Variants in PRR16 observed in about 807,000 individuals in gnomAD.
PRR16 encodes protein Largen.
A neutral mutation model predicts 18.2 loss-of-function variants in PRR16; 6 were observed. That is an observed-to-expected ratio of 0.33 (90% confidence interval 0.18 to 0.65). The LOEUF (loss-of-function observed/expected upper bound fraction) is 0.65, where lower values mean the gene tolerates loss of function less well. Among genes scored for constraint, PRR16 ranks in the 30% least tolerant of loss-of-function variants. The pLI is 0.74. For synonymous variants in PRR16, 151 were observed against 147.8 expected (o/e 1.02, Z -0.16); for missense variants, 412 against 376.6 (o/e 1.09, Z -0.78).
intron 1 of PRR16, among the ~76,000 whole-genome samples, chr5:120,583,817 T>C (rs963238444): frequency 6.6e-6 from 1 of 152,192 alleles, no homozygotes; most frequent in African/African-American, 2.4e-5. Context: ...CTCAGACCAC[T>C]GGCACCGTAT....
At chr5:120,786,419 GAC>G in the PRR16 span, among the ~76,000 whole-genome samples, 1 of 151,400 alleles carries the variant, frequency 6.6e-6, no homozygotes. Context: ...GGAGAAATAA[GAC>G]AGATTTTTTT....
At chr5:120,516,590 A>G (rs770165715) in intron 1 of PRR16, among the ~76,000 whole-genome samples, 17 of 152,062 alleles carry the variant, frequency 1.1e-4, no homozygotes, top group Non-Finnish European at 2.4e-4. Context: ...TTTCTAAAGA[A>G]TATGAATGCT....
At chr5:120,754,628 T>TACA in the PRR16 span, among the ~76,000 whole-genome samples, 81 of 115,806 alleles carry the variant, frequency 7.0e-4, no homozygotes, top group East Asian at 0.015. Flanking sequence ...TATATTTATA[T>TACA]ATAATATATA....
intron 1 of PRR16, among the ~76,000 whole-genome samples, chr5:120,669,963 T>C (rs1756541011): frequency 6.6e-6 from 1 of 152,072 alleles, no homozygotes; most frequent in African/African-American, 2.4e-5. Context: ...GGTTTTAGGG[T>C]ATAATTACAA....
At chr5:120,567,523 G>C (rs944543598) in intron 1 of PRR16, among the ~76,000 whole-genome samples, 3 of 152,122 alleles carry the variant, frequency 2.0e-5, no homozygotes, top group Non-Finnish European at 4.4e-5. Context: ...GATATGGTTT[G>C]GCTCTGTGTC....
chr5:120,497,384 A>ATGTTT (rs1750285834), intron 1 of PRR16, among the ~76,000 whole-genome samples: 1 of 84,178 alleles, frequency 1.2e-5, no homozygotes. Context: ...TGATGAACTG[A>ATGTTT]TTTTTTTTTT....
intron 1 of PRR16, among the ~76,000 whole-genome samples, chr5:120,497,384 ATTTTTTTTTTTTTT>A (rs765496177): frequency 1.2e-5 from 1 of 84,178 alleles, no homozygotes; most frequent in Non-Finnish European, 2.2e-5. Context: ...TGATGAACTG[ATTTTTTTTTTTTTT>A]TTTTTTTTTG....
chr5:120,557,359 T>C (rs1233240158), intron 1 of PRR16, among the ~76,000 whole-genome samples: 1 of 151,954 alleles, frequency 6.6e-6, no homozygotes, highest in African/African-American at 2.4e-5. Context: ...TAAATCTAAA[T>C]GTATACTTGC....
At chr5:120,782,588 A>ATAAG in the PRR16 span, among the ~76,000 whole-genome samples, 3 of 152,076 alleles carry the variant, frequency 2.0e-5, no homozygotes, top group East Asian at 3.9e-4. Flanking sequence ...CACTGCAGTC[A>ATAAG]TAAGTTACAA....
the PRR16 span, among the ~76,000 whole-genome samples, chr5:120,756,155 A>T: frequency 6.6e-6 from 1 of 152,142 alleles, no homozygotes; most frequent in Non-Finnish European, 1.5e-5. Flanking sequence ...AAAGTTACAC[A>T]TGAAGACTTG....
the PRR16 span, among the ~76,000 whole-genome samples, chr5:120,724,996 A>G: frequency 4.5e-4 from 69 of 152,214 alleles, no homozygotes; most frequent in African/African-American, 1.6e-3. Flanking sequence ...ACAGGTGAAC[A>G]TGTCATCCTT....
the PRR16 span, among the ~76,000 whole-genome samples, chr5:120,728,163 G>T: frequency 1.3e-5 from 2 of 151,902 alleles, no homozygotes; most frequent in Admixed American, 6.6e-5. Context: ...AATTTTTTAA[G>T]TAGTATTTAC....
intron 1 of PRR16, chr5:120,617,058 T>C: frequency 1.1e-6 from 1 of 947,572 alleles, no homozygotes; most frequent in Non-Finnish European, 1.3e-6. Flanking sequence ...CTAAAGTAAA[T>C]GAACTATTTT....
chr5:120,633,502 A>G (rs1755127699), intron 1 of PRR16, among the ~76,000 whole-genome samples: 1 of 152,172 alleles, frequency 6.6e-6, no homozygotes, highest in Non-Finnish European at 1.5e-5. Context: ...GGACTCACAT[A>G]AACTTAAGGT....
chr5:120,747,521 T>G, the PRR16 span, among the ~76,000 whole-genome samples: 1 of 152,140 alleles, frequency 6.6e-6, no homozygotes, highest in East Asian at 1.9e-4. Context: ...TCTCAAGGTG[T>G]TGTAAGATGG....
chr5:120,625,347 T>A (rs1754829747), intron 1 of PRR16, among the ~76,000 whole-genome samples: 1 of 152,162 alleles, frequency 6.6e-6, no homozygotes, highest in Non-Finnish European at 1.5e-5. Context: ...TTTATTTTTT[T>A]GAGACAAGAT....
intron 1 of PRR16, chr5:120,465,685 C>T (rs1749057182): frequency 6.6e-6 from 1 of 151,944 alleles, no homozygotes; most frequent in Non-Finnish European, 1.5e-5. Context: ...CCGCTCACTA[C>T]TGAATGGGGT....
the PRR16 span, among the ~76,000 whole-genome samples, chr5:120,781,032 G>T: frequency 6.6e-6 from 1 of 152,118 alleles, no homozygotes; most frequent in Non-Finnish European, 1.5e-5. Flanking sequence ...CCTGGCAACA[G>T]AGCGAGACTC....
At chr5:120,695,951 A>G in the PRR16 span, among the ~76,000 whole-genome samples, 1 of 152,082 alleles carries the variant, frequency 6.6e-6, no homozygotes, top group Admixed American at 6.6e-5. Flanking sequence ...ATATATATAT[A>G]TATAAAACCG....
Sources: allele counts gnomAD v4.1 joint callset (sites outside exome capture counted in the v4.1 genomes callset), GRCh38; gene constraint gnomAD v4.1.1; transcripts MANE v1.5; gene names NCBI Gene and HGNC (gene_info 2026-07-23, HGNC 2026-07-21).